ETNPPL: variants seen among roughly 807,000 people sequenced by gnomAD.
ETNPPL encodes the protein alanine--glyoxylate aminotransferase 2-like 1.
In ETNPPL, 30 loss-of-function variants were observed where a neutral mutation model predicts 55.5. The ratio of observed to expected loss-of-function variants is 0.54; its 90% CI spans 0.40 to 0.73. ETNPPL has a LOEUF of 0.73. Among genes scored for constraint, ETNPPL ranks in the 30% least tolerant of loss-of-function variants. ETNPPL has a pLI of 0.00. For synonymous variants in ETNPPL, 202 were observed against 207.2 expected, an observed-to-expected ratio of 0.98 and a Z score of 0.21; for missense variants, 528 against 607.9, an observed-to-expected ratio of 0.87 and a Z score of 1.38.
chr4:108,742,557 T>C lies in ETNPPL; in HGVS notation c.1427A>G (p.Glu476Gly). ...LLRDSTTDSK[E>G]NPSRKRNGMC... is the part of the protein sequence containing the mutation. ...TCCATTTCTCTTTCTGCTGGGATTT[T>C]CTTTGGAGTCAGTGGTGCTGTCCCT... The change falls in exon 13 of 13, where the codon GAA (glutamate) becomes GGA (glycine). Residue 476 changes from glutamate (E) to glycine (G), a missense_variant. Physicochemically the swap from Glu to Gly is moderately conservative, Grantham distance 98. Coordinates refer to ENST00000296486, the MANE Select transcript of ETNPPL (RefSeq NM_031279.4). 6.2e-7 allele frequency: 1 copy of C among 1,614,220 alleles called. No individual in the cohort carries two copies. The highest frequency in any genetic ancestry group is 8.5e-7 in the Non-Finnish European group (1 of 1,180,038).
chr4:108,758,032 G>A (rs1386085029), intron 3 of ETNPPL, among the ~76,000 whole-genome samples: 2 of 129,968 alleles, frequency 1.5e-5, no homozygotes, highest in Non-Finnish European at 3.1e-5. Context: ...TTTTGACGGA[G>A]TCTCACTCTG....
rs1243899911 is a variant in ETNPPL, at chr4:108,759,739, T to A, written c.335+10A>T. 1 of 1,613,620 alleles carries A rather than the reference T, an allele frequency of 6.2e-7. No homozygotes were observed. The highest frequency in any genetic ancestry group is 1.7e-5 in the Admixed American group (1 of 59,948). On this transcript the variant is annotated intron_variant, in intron 3 of 12. Coordinates refer to ENST00000296486, the MANE Select transcript of ETNPPL (RefSeq NM_031279.4). Reference sequence around the variant, plus strand: ...GGGAATGGGGAGGGGTGGGAAACCATGAAGCATACCCTGAATTTGTAAAAT... The same window carrying A: ...GGGAATGGGGAGGGGTGGGAAACCAAGAAGCATACCCTGAATTTGTAAAAT...
intron 11 of ETNPPL, among the ~76,000 whole-genome samples, chr4:108,745,967 A>G (rs28690707): frequency 0.19 from 28,731 of 149,802 alleles, 4,327 homozygotes; most frequent in East Asian, 0.47. Context: ...AAAGTTAAGC[A>G]ATTCAGCATA....
rs769312309 is a variant in ETNPPL at position 108,754,611 on chromosome 4, G to A, written c.501+9C>T. Reference sequence around the variant, plus strand: ...CAAACATTCTGATTTAGGATTTTAAGACACTTACCACATGTACAAATTCTT... The same window carrying A: ...CAAACATTCTGATTTAGGATTTTAAAACACTTACCACATGTACAAATTCTT... On this transcript the variant is annotated intron_variant, in intron 5 of 12. Coordinates refer to ENST00000296486, the MANE Select transcript of ETNPPL (RefSeq NM_031279.4). 3 of 1,374,558 alleles carry A rather than the reference G, an allele frequency of 2.2e-6. No individual in the cohort carries two copies. The highest frequency in any genetic ancestry group is 3.1e-6 in the Non-Finnish European group (3 of 968,406). The allele number at this position is 1,374,558 out of a possible 1,614,324, so 85.1% of individuals were successfully genotyped here.
intron 7 of ETNPPL, among the ~76,000 whole-genome samples, chr4:108,750,446 C>T (rs1339368840): frequency 3.3e-5 from 5 of 150,880 alleles, no homozygotes; most frequent in South Asian, 4.2e-4. Flanking sequence ...ACCTTGCAGA[C>T]AGCCTATTGT....
chr4:108,762,222 G>T (rs1416663857), intron 1 of ETNPPL: 2 of 379,404 alleles, frequency 5.3e-6, no homozygotes, highest in African/African-American at 4.2e-5. Flanking sequence ...TTGTGACGGG[G>T]GCAAGACAAG....
At position 108,752,880 on chromosome 4, in the gene ETNPPL, G is replaced by A. The variant is rs764969848; in HGVS notation, c.618+15C>T. On this transcript the variant is annotated intron_variant, in intron 6 of 12. Coordinates refer to ENST00000296486, the MANE Select transcript of ETNPPL (RefSeq NM_031279.4). The stretch of plus-strand genomic sequence containing the variant: ...TAAAAGATGTTGAGATGTTTCCAAA[G>A]CTATAAATACAAACCTTCCTTCCAC... 7.1e-7 allele frequency: 1 copy of A among 1,402,078 alleles called. No homozygotes were observed. Among genetic ancestry groups the A allele is most frequent in the Non-Finnish European group, 1.0e-6 (1 of 995,130 alleles). The allele number at this position is 1,402,078 out of a possible 1,614,324, so 86.9% of individuals were successfully genotyped here.
chr4:108,754,817 G>A (rs1729121328), intron 4 of ETNPPL, 107 bp from the exon 5 acceptor site: 2 of 721,136 alleles, frequency 2.8e-6, no homozygotes, highest in East Asian at 5.2e-5. Flanking sequence ...TCCATCCAGG[G>A]AGAATCTCAA....
chr4:108,755,706 G>A (rs1729164948), intron 4 of ETNPPL, among the ~76,000 whole-genome samples: 1 of 152,150 alleles, frequency 6.6e-6, no homozygotes, highest in Non-Finnish European at 1.5e-5. Flanking sequence ...TATAATACCA[G>A]CTAATTCCAG....
intron 3 of ETNPPL, among the ~76,000 whole-genome samples, chr4:108,757,291 T>A (rs1241889712): frequency 6.6e-6 from 1 of 152,242 alleles, no homozygotes; most frequent in Non-Finnish European, 1.5e-5. Flanking sequence ...GTGGAATGTT[T>A]ACTATCCGTT....
At chr4:108,743,746 A>G (rs1321105226) in intron 12 of ETNPPL, 43 bp downstream of exon 12, 1 of 1,397,832 alleles carries the variant, frequency 7.2e-7, no homozygotes, top group South Asian at 1.2e-5. Flanking sequence ...ACATTCCCCA[A>G]ATTTTAAACT....
intron 1 of ETNPPL, chr4:108,762,480 G>A (rs975974461): frequency 1.5e-6 from 1 of 653,684 alleles, no homozygotes; most frequent in African/African-American, 1.8e-5. Flanking sequence ...GAGTTGTGTG[G>A]GGGTGGCGGA....
Position 108,748,004 on chromosome 4 carries a change from C to A in ETNPPL, c.1082+1G>T. On this transcript the variant is annotated splice_donor_variant, in intron 9 of 12. Coordinates refer to ENST00000296486, the MANE Select transcript of ETNPPL (RefSeq NM_031279.4). LOFTEE classifies it high-confidence loss of function. ...ACATGACAACTTCATAATGAACATA[C>A]CTAATATCTCCTATCAAAGTGTGTT... 1 of 1,604,982 alleles carries A rather than the reference C, an allele frequency of 6.2e-7. No homozygotes were observed. Among genetic ancestry groups the A allele is most frequent in the Non-Finnish European group, 8.5e-7 (1 of 1,176,022 alleles).
chr4:108,752,139 T>C (rs566516778), intron 6 of ETNPPL, among the ~76,000 whole-genome samples: 2 of 152,182 alleles, frequency 1.3e-5, no homozygotes, highest in East Asian at 1.9e-4. Context: ...AGTTAAGAAA[T>C]GTGAATGGCT....
At position 108,750,982 on chromosome 4, in the gene ETNPPL, C is replaced by T. The variant is rs1385875138; in HGVS notation, c.655G>A (p.Gly219Ser). ...AFIAESMQSC[G>S]GQIIPPAGYF... ...CCTGCTGGAGGAATTATTTGTCCGCCACAACTCTGCATGGATTCAGCAATA... is the reference window on the plus strand; with the variant it reads ...CCTGCTGGAGGAATTATTTGTCCGCTACAACTCTGCATGGATTCAGCAATA... Residue 219 changes from glycine (G) to serine (S), a missense_variant, in exon 7 of 13, where the codon GGC becomes AGC. Coordinates refer to ENST00000296486, the MANE Select transcript of ETNPPL (RefSeq NM_031279.4). The T allele has an allele frequency of 1.9e-6, 3 of 1,613,284 alleles. No homozygotes were observed. In the African/African-American group the frequency reaches 4.0e-5, roughly 22 times the overall value.
chr4:108,759,614 A>T (rs1162014867), intron 3 of ETNPPL, 135 bp downstream of exon 3: 1 of 810,940 alleles, frequency 1.2e-6, no homozygotes, highest in Non-Finnish European at 1.9e-6. Flanking sequence ...CTAATGTGTG[A>T]TCACTTAGTG....
In ETNPPL at chr4:108,743,823, C is replaced by G; in HGVS notation, c.1337G>C (p.Ser446Thr). 6.2e-7 allele frequency: 1 copy of G among 1,612,268 alleles called. No homozygotes were observed. The highest frequency in any genetic ancestry group is 1.1e-5 in the South Asian group (1 of 91,008). ...LEEAMGTKTE[S>T]VTSENTPCKT... ...GCATGGAGTATTCTCAGAGGTCACA[C>G]TTTCGGTTTTGGTTCCCATAGCTTC... The change falls in exon 12 of 13, where the codon AGT becomes ACT. Residue 446 changes from serine (S) to threonine (T), a missense_variant. Ser to Thr is a moderately conservative substitution (Grantham distance 58, BLOSUM62 1). Coordinates refer to ENST00000296486, the MANE Select transcript of ETNPPL (RefSeq NM_031279.4).
chr4:108,754,477 A>G (rs1729103320), intron 5 of ETNPPL, 143 bp downstream of exon 5: 2 of 563,410 alleles, frequency 3.5e-6, no homozygotes, highest in Admixed American at 7.2e-5. Flanking sequence ...GTCATTATTT[A>G]GCCCTTTGAC....
chr4:108,744,237 G>T (rs1342451386), intron 11 of ETNPPL, among the ~76,000 whole-genome samples: 1 of 151,822 alleles, frequency 6.6e-6, no homozygotes, highest in Non-Finnish European at 1.5e-5. Flanking sequence ...CTCCAGCCTG[G>T]GCGACAGAGT....
Sources: allele counts gnomAD v4.1 joint callset (sites outside exome capture counted in the v4.1 genomes callset), GRCh38; gene constraint gnomAD v4.1.1; transcripts MANE v1.5; gene names NCBI Gene and HGNC (gene_info 2026-07-23, HGNC 2026-07-21).